Variants in RARB observed in about 807,000 individuals in gnomAD.
The protein encoded by RARB is retinoic acid receptor beta, also known as HBV-activated protein.
RARB carries 17 observed loss-of-function variants against 51.9 expected under a neutral mutation model. The ratio of observed to expected loss-of-function variants is 0.33; its 90% CI spans 0.22 to 0.49. The LOEUF is 0.49. Ranked by LOEUF, RARB falls within the 20% of genes least tolerant of loss-of-function variation. RARB has a pLI of 0.99. For missense variants in RARB, 369 were observed against 550.8 expected (o/e 0.67, Z 3.30); for synonymous variants, 215 against 195.4 (o/e 1.10, Z -0.84).
intron 5 of RARB, among the ~76,000 whole-genome samples, chr3:25,277,468 A>G (rs976650510): frequency 3.3e-5 from 5 of 152,204 alleles, no homozygotes; most frequent in African/African-American, 1.2e-4. Context: ...TTTTATCTAC[A>G]TCCCAAAGTA....
chr3:25,142,870 A>G (rs767301135), intron 4 of RARB, among the ~76,000 whole-genome samples: 2 of 152,132 alleles, frequency 1.3e-5, no homozygotes, highest in Non-Finnish European at 2.9e-5. Flanking sequence ...GTCTTCAGTA[A>G]ACAAAAGCAG....
At chr3:24,952,657 T>G (rs1439751667) in intron 2 of RARB, among the ~76,000 whole-genome samples, 2 of 152,152 alleles carry the variant, frequency 1.3e-5, no homozygotes, top group Non-Finnish European at 2.9e-5. Context: ...ATTAAACCAA[T>G]TAATTGCCAC....
Position 25,162,541 on chromosome 3 carries a change from C to G in RARB, c.-279-11578C>G, listed in dbSNP as rs144136334. ...ATCTAATTGCAGAATATTTTCATCA[C>G]TCTAAAAAGGAACTCCACACTCATT... On this transcript the variant is annotated intron_variant, in intron 4 of 11. Coordinates refer to the RARB transcript ENST00000383772. Among the ~76,000 whole-genome samples the G allele has an allele frequency of 3.3e-3, 496 of 152,304 alleles. 3 individuals carry two copies. The highest frequency in any genetic ancestry group is 0.011 in the African/African-American group (472 of 41,554).
intron 5 of RARB, among the ~76,000 whole-genome samples, chr3:25,352,604 C>T (rs1429666645): frequency 6.6e-6 from 1 of 152,152 alleles, no homozygotes; most frequent in Non-Finnish European, 1.5e-5. Context: ...TTCTTTCTCA[C>T]TTTCTGTTTG....
At chr3:24,961,962 C>T (rs1449150672) in intron 2 of RARB, among the ~76,000 whole-genome samples, 2 of 105,990 alleles carry the variant, frequency 1.9e-5, no homozygotes, top group Non-Finnish European at 3.4e-5. Flanking sequence ...CAGAGTCTTG[C>T]TCTGTCGCCC....
At chr3:25,434,347 G>T (rs1708333116) in intron 1 of RARB, among the ~76,000 whole-genome samples, 1 of 152,250 alleles carries the variant, frequency 6.6e-6, no homozygotes, top group South Asian at 2.1e-4. Flanking sequence ...GATTATAATT[G>T]TCATTTTACA....
At chr3:24,993,270 T>C (rs549913323) in intron 2 of RARB, among the ~76,000 whole-genome samples, 2 of 152,184 alleles carry the variant, frequency 1.3e-5, no homozygotes, top group Non-Finnish European at 2.9e-5. Flanking sequence ...TTATTCCTGA[T>C]TTAATTCCAT....
intron 2 of RARB, among the ~76,000 whole-genome samples, chr3:25,010,520 C>CT (rs565446450): frequency 1.7e-3 from 253 of 152,210 alleles, no homozygotes; most frequent in Non-Finnish European, 2.4e-3. Context: ...TGCTACTGTA[C>CT]TTGATGCCTT....
chr3:25,055,857 C>G (rs139162839), intron 2 of RARB, among the ~76,000 whole-genome samples: 3 of 152,124 alleles, frequency 2.0e-5, no homozygotes, highest in Admixed American at 6.5e-5. Flanking sequence ...CAGGTGCTGG[C>G]TGTTGGGAGT....
chr3:25,318,012 G>A (rs755067686), intron 5 of RARB, among the ~76,000 whole-genome samples: 1 of 152,184 alleles, frequency 6.6e-6, no homozygotes, highest in African/African-American at 2.4e-5. Context: ...TAGTTAACTA[G>A]AGATTTTGAA....
At chr3:25,387,487 G>A (rs1356805902) in intron 5 of RARB, among the ~76,000 whole-genome samples, 2 of 152,136 alleles carry the variant, frequency 1.3e-5, no homozygotes, top group Non-Finnish European at 2.9e-5. Flanking sequence ...CTTCTATGTT[G>A]TGTACGCAAT....
intron 1 of RARB, among the ~76,000 whole-genome samples, chr3:25,433,003 C>T (rs115891398): frequency 5.3e-4 from 81 of 152,204 alleles, no homozygotes; most frequent in African/African-American, 1.9e-3. Context: ...ATACATTTAT[C>T]CTTAAATGAC....
At chr3:24,877,079 G>A (rs1435981684) in intron 2 of RARB, among the ~76,000 whole-genome samples, 1 of 151,998 alleles carries the variant, frequency 6.6e-6, no homozygotes, top group Non-Finnish European at 1.5e-5. Context: ...ATTTTTATTA[G>A]CAGTGCCCCA....
At chr3:25,339,478 G>T (rs1027246973) in intron 5 of RARB, among the ~76,000 whole-genome samples, 2 of 152,044 alleles carry the variant, frequency 1.3e-5, no homozygotes, top group Non-Finnish European at 2.9e-5. Flanking sequence ...CTTCCACCAC[G>T]TGGCTGCGCG....
chr3:25,281,554 G>A (rs566994702), intron 5 of RARB, among the ~76,000 whole-genome samples: 2 of 152,328 alleles, frequency 1.3e-5, no homozygotes, highest in East Asian at 3.9e-4. Context: ...ACAATCAAAA[G>A]GAAGGGGCAA....
rs11921445 is a variant in RARB at position 24,881,015 on chromosome 3, C to G, written c.-380+22263C>G. The stretch of plus-strand genomic sequence containing the variant: ...TAATCCCTGTGTGTCAAGGGAGGAC[C>G]TTGTGGTAGGTGATTGGATCATGGG... On this transcript the variant is annotated intron_variant, in intron 2 of 11. Transcript: ENST00000383772. 3.3e-5 allele frequency among the ~76,000 whole-genome samples: 5 copies of G among 151,950 alleles called. No individual in the cohort carries two copies. In the South Asian group the frequency reaches 1.0e-3, roughly 31 times the overall value.
intron 5 of RARB, among the ~76,000 whole-genome samples, chr3:25,401,373 A>G (rs1707258900): frequency 1.3e-5 from 2 of 152,172 alleles, no homozygotes; most frequent in South Asian, 4.1e-4. Context: ...TTTTTCATCT[A>G]GAGCCTTTAT....
intron 2 of RARB, among the ~76,000 whole-genome samples, chr3:24,927,690 C>T (rs147595573): frequency 3.9e-5 from 6 of 152,116 alleles, no homozygotes; most frequent in African/African-American, 7.2e-5. Context: ...AATTGATCAG[C>T]GTATTATTAT....
At chr3:25,025,552 T>A (rs1697728937) in intron 2 of RARB, among the ~76,000 whole-genome samples, 1 of 152,122 alleles carries the variant, frequency 6.6e-6, no homozygotes, top group Non-Finnish European at 1.5e-5. Flanking sequence ...AAACTATAAG[T>A]TACAGTAGTT....
Sources: gnomAD v4.1 joint callset for allele counts (sites outside exome capture counted in the v4.1 genomes callset) on GRCh38, gnomAD v4.1.1 for gene constraint, MANE v1.5 for transcripts, NCBI Gene and HGNC (gene_info 2026-07-23, HGNC 2026-07-21) for gene names.